NRXN3: variants seen among roughly 807,000 people sequenced by gnomAD.
NRXN3 encodes the protein neurexin 3, also known as neurexin III.
NRXN3 carries 32 observed loss-of-function variants against 137.6 expected under a neutral mutation model. The observed-to-expected ratio is 0.23, with a 90% CI of 0.18 to 0.31. The LOEUF (loss-of-function observed/expected upper bound fraction) is 0.31, where lower values mean the gene tolerates loss of function less well. Ranked by LOEUF, NRXN3 falls within the 10% of genes least tolerant of loss-of-function variation. The pLI, the probability that NRXN3 is intolerant of heterozygous loss-of-function variation, is 1.00. For missense variants in NRXN3, 1,574 were observed against 2,062.5 expected (o/e 0.76, Z 4.59); for synonymous variants, 798 against 784.5 (o/e 1.02, Z -0.29).
At chr14:79,068,213 G>T (rs2099683190) in intron 15 of NRXN3, among the ~76,000 whole-genome samples, 1 of 152,032 alleles carries the variant, frequency 6.6e-6, no homozygotes, top group Non-Finnish European at 1.5e-5. Flanking sequence ...AATAATTATG[G>T]AGTATACATT....
chr14:79,683,024 A>C (rs559693114), intron 17 of NRXN3, among the ~76,000 whole-genome samples: 2 of 152,300 alleles, frequency 1.3e-5, no homozygotes, highest in African/African-American at 4.8e-5. Flanking sequence ...CGGTGAGGAA[A>C]TGGTAATAGA....
At chr14:78,733,966 C>A (rs1394514816) in intron 8 of NRXN3, among the ~76,000 whole-genome samples, 1 of 152,156 alleles carries the variant, frequency 6.6e-6, no homozygotes, top group East Asian at 1.9e-4. Context: ...CCTGCTCTTA[C>A]TGTTGCATGA....
At chr14:79,590,631 T>C (rs914539259) in intron 16 of NRXN3, among the ~76,000 whole-genome samples, 4 of 152,098 alleles carry the variant, frequency 2.6e-5, no homozygotes, top group East Asian at 3.9e-4. Context: ...CCATGAAATA[T>C]TGGCCTCAAA....
At position 78,722,995 on chromosome 14, in the gene NRXN3, A is replaced by C. The variant is rs905154188; in HGVS notation, c.2044+7856A>C. Among the ~76,000 whole-genome samples the C allele has an allele frequency of 2.6e-5, 4 of 152,106 alleles. No homozygotes were observed. The South Asian group carries it at 8.3e-4, about 32-fold the overall frequency. On this transcript the variant is annotated intron_variant, in intron 8 of 20. Coordinates refer to ENST00000335750, the MANE Select transcript of NRXN3 (RefSeq NM_001330195.2). ...ATAAAGGTGACTTCAATAAACAGTAAGTTTTCCATGTGGGTGGCATGTAGG... is the reference window on the plus strand; with the variant it reads ...ATAAAGGTGACTTCAATAAACAGTACGTTTTCCATGTGGGTGGCATGTAGG...
chr14:78,392,702 CTAT>C (rs1478712450), intron 4 of NRXN3, among the ~76,000 whole-genome samples: 3 of 151,902 alleles, frequency 2.0e-5, no homozygotes, highest in African/African-American at 7.3e-5. Context: ...TAAATGTTGG[CTAT>C]TATTGTATTT....
chr14:79,149,562 T>C (rs967787447), intron 15 of NRXN3, among the ~76,000 whole-genome samples: 1 of 152,098 alleles, frequency 6.6e-6, no homozygotes, highest in African/African-American at 2.4e-5. Context: ...CATGCGTATA[T>C]TCATTGTGGC....
At chr14:78,512,544 T>G (rs2096128460) in intron 4 of NRXN3, among the ~76,000 whole-genome samples, 1 of 152,192 alleles carries the variant, frequency 6.6e-6, no homozygotes, top group African/African-American at 2.4e-5. Flanking sequence ...TCTGCCACAC[T>G]GATTTACCTT....
chr14:79,408,984 G>A (rs2095365077), intron 15 of NRXN3, among the ~76,000 whole-genome samples: 1 of 151,922 alleles, frequency 6.6e-6, no homozygotes, highest in Non-Finnish European at 1.5e-5. Flanking sequence ...ATAGTTACCA[G>A]AAATCTCCTT....
chr14:79,803,913 G>GCA (rs372378290), intron 19 of NRXN3, among the ~76,000 whole-genome samples: 2 of 139,326 alleles, frequency 1.4e-5, no homozygotes, highest in Non-Finnish European at 3.1e-5. Flanking sequence ...ATATATATAT[G>GCA]TATATATATA....
At chr14:79,691,768 G>C (rs569806927) in intron 17 of NRXN3, among the ~76,000 whole-genome samples, 1 of 152,032 alleles carries the variant, frequency 6.6e-6, no homozygotes, top group Admixed American at 6.6e-5. Context: ...TGCAGCTTGC[G>C]TGACTGTGGA....
At chr14:79,467,180 A>T in intron 15 of NRXN3, 41 bp from the exon 16 acceptor site, 1 of 1,561,270 alleles carries the variant, frequency 6.4e-7, no homozygotes, top group East Asian at 2.3e-5. Flanking sequence ...GCTGTATGCA[A>T]TGTAGTGCCT....
intron 6 of NRXN3, among the ~76,000 whole-genome samples, chr14:78,693,201 A>G (rs750473965): frequency 1.3e-5 from 2 of 152,040 alleles, no homozygotes; most frequent in African/African-American, 4.8e-5. Context: ...TGGATGCCTC[A>G]ATAGACCTGG....
intron 17 of NRXN3, among the ~76,000 whole-genome samples, chr14:79,673,185 G>A (rs182293955): frequency 4.7e-4 from 72 of 152,120 alleles, no homozygotes; most frequent in Non-Finnish European, 6.8e-4. Context: ...AGGACAAAGC[G>A]GCACTTTGAG....
rs964120982 is a variant in NRXN3, at chr14:78,694,362, A to G, written c.1222-14855A>G. The stretch of plus-strand genomic sequence containing the variant: ...AGTAAGTTATTTTAGGGAAGGGCCA[A>G]TGACTCTTTTCTGCTTGTAGGCTCC... On this transcript the variant is annotated intron_variant, in intron 6 of 20. Transcript: ENST00000335750. Among the ~76,000 whole-genome samples the G allele has an allele frequency of 4.6e-5, 7 of 151,904 alleles. 1 individual carries two copies. The highest frequency in any genetic ancestry group is 4.2e-4 in the South Asian group (2 of 4,812).
intron 10 of NRXN3, among the ~76,000 whole-genome samples, chr14:78,810,947 G>A (rs2098909149): frequency 6.6e-6 from 1 of 152,178 alleles, no homozygotes; most frequent in Admixed American, 6.5e-5. Context: ...AGATACCCTA[G>A]TTCTTGAAGA....
At chr14:78,941,416 C>T (rs932744222) in intron 10 of NRXN3, among the ~76,000 whole-genome samples, 1 of 152,210 alleles carries the variant, frequency 6.6e-6, no homozygotes, top group Non-Finnish European at 1.5e-5. Context: ...CAAAATTCCC[C>T]TGCTGCCTCA....
At chr14:79,580,016 C>G (rs1051280339) in intron 16 of NRXN3, among the ~76,000 whole-genome samples, 6 of 152,182 alleles carry the variant, frequency 3.9e-5, no homozygotes, top group East Asian at 1.9e-4. Flanking sequence ...ACATTTTTAG[C>G]TCTCATATGT....
intron 4 of NRXN3, among the ~76,000 whole-genome samples, chr14:78,542,125 G>A (rs919309950): frequency 6.6e-6 from 1 of 152,204 alleles, no homozygotes; most frequent in Non-Finnish European, 1.5e-5. Flanking sequence ...GCTACACGGG[G>A]GTCAGGGACC....
At chr14:78,619,885 C>A (rs1048104328) in intron 4 of NRXN3, among the ~76,000 whole-genome samples, 1 of 152,098 alleles carries the variant, frequency 6.6e-6, no homozygotes, top group East Asian at 1.9e-4. Flanking sequence ...AGAGTCTTCC[C>A]TTTTTCTCGG....
Sources: gnomAD v4.1 joint callset for allele counts (sites outside exome capture counted in the v4.1 genomes callset) on GRCh38, gnomAD v4.1.1 for gene constraint, MANE v1.5 for transcripts, NCBI Gene and HGNC (gene_info 2026-07-23, HGNC 2026-07-21) for gene names.